The following TDRD12 variants were observed in gnomAD, a reference collection of about 807,000 sequenced individuals.
TDRD12 encodes the protein tudor domain containing 12.
TDRD12 carries 158 observed loss-of-function variants against 133.5 expected under a neutral mutation model. That is an observed-to-expected ratio of 1.18 (90% CI 1.04 to 1.35). The LOEUF (loss-of-function observed/expected upper bound fraction) is 1.35, where lower values mean the gene tolerates loss of function less well. TDRD12 is among the 40% of genes most tolerant of loss of function. TDRD12 has a pLI of 0.00. For synonymous variants in TDRD12, 460 were observed against 477.9 expected (o/e 0.96, Z 0.49); for missense variants, 1,443 against 1,321.3 (o/e 1.09, Z -1.43).
intron 11 of TDRD12, among the ~76,000 whole-genome samples, chr19:32,781,859 C>G (rs978918985): frequency 4.6e-5 from 7 of 152,086 alleles, no homozygotes; most frequent in Admixed American, 3.3e-4. Flanking sequence ...ATTCTCTTGA[C>G]TTTTTCGTTG....
intron 8 of TDRD12, among the ~76,000 whole-genome samples, chr19:32,762,734 C>G (rs899761813): frequency 6.6e-6 from 1 of 152,194 alleles, no homozygotes; most frequent in African/African-American, 2.4e-5. Context: ...GTATAATTAA[C>G]TTTCACAGGA....
chr19:32,748,429 A>G (rs989122604), intron 4 of TDRD12, 47 bp from the exon 5 acceptor site: 1 of 1,531,942 alleles, frequency 6.5e-7, no homozygotes, highest in African/African-American at 1.4e-5. Flanking sequence ...TTGGTGTGCT[A>G]GCCTCAGATT....
In TDRD12 at chr19:32,748,630, AAACGGCC is replaced by A. The variant is rs1160437010; in HGVS notation, c.496+100_496+106del. ...GGGGTTGGAGATGCCCCTGTTGGCC[AAACGGCC>A]CTCCTCAGAGGAGTTCCCTAAGCTA... On this transcript the variant is annotated intron_variant, in intron 5 of 27. Coordinates refer to ENST00000444215, the Ensembl canonical transcript of TDRD12. The A allele has an allele frequency of 1.3e-4, 164 of 1,250,126 alleles. No homozygotes were observed. The African/African-American group carries it at 2.0e-3, about 15-fold the overall frequency. 77.4% of individuals were successfully genotyped at this position (1,250,126 alleles called of 1,614,324 possible).
intron 6 of TDRD12, among the ~76,000 whole-genome samples, chr19:32,751,408 C>T (rs1009900432): frequency 6.6e-6 from 1 of 152,054 alleles, no homozygotes; most frequent in African/African-American, 2.4e-5. Flanking sequence ...GTTAGTTTTT[C>T]CTTCTGAAAT....
intron 8 of TDRD12, among the ~76,000 whole-genome samples, chr19:32,760,774 G>A (rs1970127151): frequency 6.6e-6 from 1 of 152,102 alleles, no homozygotes; most frequent in Non-Finnish European, 1.5e-5. Context: ...GGATTCTTAG[G>A]AGGGAAACAA....
chr19:32,816,572 A>G (rs1967188517), intron 26 of TDRD12, among the ~76,000 whole-genome samples: 1 of 152,244 alleles, frequency 6.6e-6, no homozygotes, highest in Non-Finnish European at 1.5e-5. Context: ...GGGGTACTTC[A>G]GGTAATGGCG....
intron 11 of TDRD12, among the ~76,000 whole-genome samples, chr19:32,778,786 C>T (rs1343324136): frequency 6.6e-6 from 1 of 152,232 alleles, no homozygotes; most frequent in African/African-American, 2.4e-5. Context: ...AGGAGTGAGC[C>T]ACTGTGCCCG....
In TDRD12 at chr19:32,763,722, G is replaced by A. The variant is rs539112724; in HGVS notation, c.865+6592G>A. ...AGTGTGGCACCCAGCCCCTGACCCC[G>A]GAGTTTTAACTAACGGAGGTGTCCG... is the stretch of plus-strand genomic sequence containing the variant. On this transcript the variant is annotated intron_variant, in intron 8 of 27. Coordinates refer to ENST00000444215, the Ensembl canonical transcript of TDRD12. Among the ~76,000 whole-genome samples, 320 of 152,286 alleles carry A rather than the reference G, an allele frequency of 2.1e-3. 2 individuals carry two copies. The highest frequency in any genetic ancestry group is 7.4e-3 in the African/African-American group (306 of 41,570).
intron 2 of TDRD12, among the ~76,000 whole-genome samples, chr19:32,734,229 A>G (rs1399673121): frequency 6.6e-6 from 1 of 151,992 alleles, no homozygotes; most frequent in African/African-American, 2.4e-5. Flanking sequence ...AGGCCTATGA[A>G]TGCAAATAAT....
intron 14 of TDRD12, chr19:32,796,310 C>T (rs1971223817): frequency 1.0e-5 from 5 of 489,840 alleles, no homozygotes; most frequent in Non-Finnish European, 1.3e-5. Flanking sequence ...CATCTGTTGG[C>T]CGGGCGCAGT....
chr19:32,752,690 A>G (rs1380377569), intron 6 of TDRD12, among the ~76,000 whole-genome samples: 1 of 151,826 alleles, frequency 6.6e-6, no homozygotes, highest in Non-Finnish European at 1.5e-5. Flanking sequence ...TATACTTTCA[A>G]TGTGCCCCAT....
chr19:32,720,217 C>A, intron 1 of TDRD12, 121 bp downstream of exon 1: 1 of 1,144,806 alleles, frequency 8.7e-7, no homozygotes, highest in Non-Finnish European at 1.2e-6. Flanking sequence ...ACCGCAGCCC[C>A]GCACAGCCTC....
chr19:32,792,507 T>G (rs1164970157), intron 13 of TDRD12, among the ~76,000 whole-genome samples: 1 of 152,094 alleles, frequency 6.6e-6, no homozygotes, highest in East Asian at 1.9e-4. Context: ...CTAGTATGTT[T>G]GAGACATAAA....
intron 24 of TDRD12, among the ~76,000 whole-genome samples, chr19:32,811,941 A>G (rs1967019679): frequency 6.6e-6 from 1 of 152,270 alleles, no homozygotes; most frequent in East Asian, 1.9e-4. Context: ...AGGGGGCACA[A>G]TGGGCGGTCC....
chr19:32,780,944 CTTT>C (rs11383637), intron 11 of TDRD12, among the ~76,000 whole-genome samples: 3 of 126,770 alleles, frequency 2.4e-5, no homozygotes, highest in Non-Finnish European at 1.6e-5. Context: ...TTTAATCTAT[CTTT>C]TTTTTTTTTT....
chr19:32,813,632 TA>T, intron 24 of TDRD12, 51 bp from the exon 25 acceptor site: 1 of 1,073,142 alleles, frequency 9.3e-7, no homozygotes, highest in Admixed American at 2.2e-5. Context: ...ATATACAAAA[TA>T]AGGTATTTTG....
rs991218476 is a variant in TDRD12 at position 32,821,069 on chromosome 19, CCCCCAGCCTG to C, written c.3421_3430del (p.Pro1141ArgfsTer30). ...CAGAAGATGCTGCTTGCCTGCAGAG[CCCCCAGCCTG>C]AGGACACGGGTGCAGAAGGAGGGGC... is the stretch of plus-strand genomic sequence containing the variant. On this transcript the variant is annotated frameshift_variant, in exon 28 of 28. Transcript: ENST00000444215. LOFTEE classifies it low-confidence loss of function (END_TRUNC). The C allele has an allele frequency of 3.3e-6, 5 of 1,535,772 alleles. No homozygotes were observed. The highest frequency in any genetic ancestry group is 4.4e-6 in the Non-Finnish European group (5 of 1,146,878).
chr19:32,728,901 C>T (rs574846563), intron 1 of TDRD12, among the ~76,000 whole-genome samples: 4 of 151,240 alleles, frequency 2.6e-5, no homozygotes, highest in Admixed American at 6.6e-5. Context: ...CCCGTCTCGG[C>T]CTCCCAAAGT....
intron 7 of TDRD12, among the ~76,000 whole-genome samples, 192 bp downstream of exon 7, chr19:32,756,373 A>G (rs568352858): frequency 1.3e-5 from 2 of 151,614 alleles, no homozygotes; most frequent in South Asian, 2.1e-4. Flanking sequence ...TGAGACCAGG[A>G]AAAAAACTGC....
Sources: allele counts gnomAD v4.1 joint callset (sites outside exome capture counted in the v4.1 genomes callset), GRCh38; gene constraint gnomAD v4.1.1; transcripts MANE v1.5; gene names NCBI Gene and HGNC (gene_info 2026-07-23, HGNC 2026-07-21).